The following NPSR1 variants were observed in gnomAD, a reference collection of about 807,000 sequenced individuals.
The protein encoded by NPSR1 is neuropeptide S receptor 1.
NPSR1 carries 48 observed loss-of-function variants against 46.9 expected under a neutral mutation model. The observed-to-expected ratio is 1.02, with a 90% CI of 0.81 to 1.30. NPSR1 has a LOEUF of 1.30. Ranked by LOEUF, NPSR1 falls within the 50% of genes most tolerant of loss-of-function variation. NPSR1 has a pLI of 0.00. For synonymous variants in NPSR1, 176 were observed against 168.1 expected (o/e 1.05, Z -0.36); for missense variants, 450 against 449.5 (o/e 1.00, Z -0.01).
intron 2 of NPSR1, among the ~76,000 whole-genome samples, chr7:34,748,150 C>T (rs1288263299): frequency 1.3e-5 from 2 of 152,194 alleles, no homozygotes; most frequent in East Asian, 1.9e-4. Context: ...CAGTTAGACC[C>T]TGATCTCAGT....
rs114485438 is a variant in NPSR1 at position 34,827,513 on chromosome 7, C to G, written c.591C>G (p.Cys197Trp). ...KRTLSNGEVQ[C>W]WALWPDDSYW... ...CACTGTCCAACGGTGAAGTGCAGTG[C>G]TGGGCCCTGTGGCCTGACGACTCCT... Residue 197 changes from cysteine (C) to tryptophan (W), a missense_variant, in exon 5 of 9, where the codon TGC (cysteine) becomes TGG (tryptophan). Physicochemically the swap from Cys to Trp is radical, Grantham distance 215. Transcript: ENST00000360581. The G allele has an allele frequency of 1.0e-4, 161 of 1,613,984 alleles. No homozygotes were observed. The African/African-American group carries it at 1.9e-3, about 19-fold the overall frequency.
chr7:34,792,691 A>ATATATATT (rs1562733273), intron 3 of NPSR1, among the ~76,000 whole-genome samples: 23 of 95,648 alleles, frequency 2.4e-4, no homozygotes, highest in African/African-American at 8.2e-4. Context: ...ATATATATGT[A>ATATATATT]TATATATACG....
At chr7:34,841,575 T>A (rs1562768154) in intron 6 of NPSR1, among the ~76,000 whole-genome samples, 1 of 152,204 alleles carries the variant, frequency 6.6e-6, no homozygotes. Context: ...GAAATAATCC[T>A]TTTATCTCCC....
chr7:34,706,240 A>C (rs968634264), intron 2 of NPSR1, among the ~76,000 whole-genome samples: 4 of 150,896 alleles, frequency 2.7e-5, no homozygotes, highest in African/African-American at 9.8e-5. Flanking sequence ...CTGTTATGTG[A>C]GTTCTCTGAG....
At chr7:34,728,302 G>C (rs185052630) in intron 2 of NPSR1, among the ~76,000 whole-genome samples, 1 of 152,152 alleles carries the variant, frequency 6.6e-6, no homozygotes, top group East Asian at 1.9e-4. Flanking sequence ...AGACCCTGTC[G>C]CTGGAACAGG....
At chr7:34,791,115 A>AATATATATGTTATATATAATATGTT (rs1787824631) in intron 3 of NPSR1, among the ~76,000 whole-genome samples, 2 of 62,248 alleles carry the variant, frequency 3.2e-5, no homozygotes, top group Non-Finnish European at 6.3e-5. Flanking sequence ...TATGTTATAT[A>AATATATATGTTATATATAATATGTT]ATATAATATA....
chr7:34,748,261 G>A (rs897713335), intron 2 of NPSR1, among the ~76,000 whole-genome samples: 17 of 152,172 alleles, frequency 1.1e-4, no homozygotes, highest in Admixed American at 5.9e-4. Flanking sequence ...CTAAGCATTC[G>A]CATAATATCT....
At chr7:34,850,535 C>A (rs1007098982), downstream of NPSR1, among the ~76,000 whole-genome samples, 1 of 151,818 alleles carries the variant, frequency 6.6e-6, no homozygotes, top group African/African-American at 2.4e-5. Context: ...CGAGTAGCTG[C>A]GACCACAGGT....
chr7:34,784,722 C>A (rs1284383173), intron 3 of NPSR1, among the ~76,000 whole-genome samples: 3 of 152,118 alleles, frequency 2.0e-5, no homozygotes, highest in Admixed American at 1.3e-4. Flanking sequence ...GGAGGATTCC[C>A]TCTTTTTCTA....
intron 2 of NPSR1, chr7:34,751,057 T>C (rs1562701769): frequency 2.6e-6 from 2 of 779,564 alleles, no homozygotes; most frequent in Non-Finnish European, 2.4e-6. Context: ...AGCATGGCCA[T>C]CTCACTCACC....
At chr7:34,841,563 T>A (rs1408041591) in intron 6 of NPSR1, among the ~76,000 whole-genome samples, 1 of 152,176 alleles carries the variant, frequency 6.6e-6, no homozygotes, top group African/African-American at 2.4e-5. Context: ...AAGGCCTGAG[T>A]AGAAATAATC....
intron 2 of NPSR1, among the ~76,000 whole-genome samples, chr7:34,705,443 A>C (rs1215367676): frequency 6.6e-6 from 1 of 151,778 alleles, no homozygotes; most frequent in Admixed American, 6.6e-5. Flanking sequence ...TCAAAAAAAA[A>C]AAAAAAAAAG....
chr7:34,723,939 A>AATT (rs1410578887), intron 2 of NPSR1, among the ~76,000 whole-genome samples: 2 of 152,228 alleles, frequency 1.3e-5, no homozygotes, highest in African/African-American at 4.8e-5. Flanking sequence ...CACATGAAGA[A>AATT]GCTAACTCAA....
In NPSR1 at chr7:34,834,348, C is replaced by T. The variant is rs1461558548; in HGVS notation, c.681-36C>T. ...CTGTGTCCTCACAGTAGGGATCCACCAGTCACTTTAATACTACCTTTGGTT... is the reference window on the plus strand; with the variant it reads ...CTGTGTCCTCACAGTAGGGATCCACTAGTCACTTTAATACTACCTTTGGTT... On this transcript the variant is annotated intron_variant, in intron 5 of 8. Coordinates refer to ENST00000360581, the MANE Select transcript of NPSR1 (RefSeq NM_207172.2). 2.6e-6 allele frequency: 4 copies of T among 1,514,420 alleles called. No individual in the cohort carries two copies. The East Asian group carries it at 6.8e-5, about 26-fold the overall frequency. 93.8% of individuals were successfully genotyped at this position (1,514,420 alleles called of 1,614,324 possible). A position where few individuals can be genotyped will look rare whatever the true frequency, so the allele number is the denominator to read the frequency against.
At chr7:34,693,130 C>T (rs1199218909) in intron 2 of NPSR1, among the ~76,000 whole-genome samples, 11 of 152,122 alleles carry the variant, frequency 7.2e-5, no homozygotes, top group Non-Finnish European at 1.2e-4. Context: ...GCTCCCTCTT[C>T]GCTTTGCCTT....
chr7:34,791,329 CA>C (rs1390992708), intron 3 of NPSR1, among the ~76,000 whole-genome samples: 2 of 142,726 alleles, frequency 1.4e-5, no homozygotes, highest in East Asian at 4.0e-4. Context: ...AAACACAAAA[CA>C]CCACCAAAAA....
chr7:34,658,619 A>G (rs1485048255), intron 1 of NPSR1, 60 bp downstream of exon 1: 2 of 1,511,182 alleles, frequency 1.3e-6, no homozygotes, highest in Admixed American at 1.7e-5. Context: ...GCTGGAACTT[A>G]AGAGTGTCAA....
At chr7:34,694,742 G>A (rs1488708336) in intron 2 of NPSR1, among the ~76,000 whole-genome samples, 3 of 152,156 alleles carry the variant, frequency 2.0e-5, no homozygotes, top group East Asian at 3.9e-4. Flanking sequence ...ATGGAGTCTC[G>A]CTCTGTCACC....
chr7:34,827,766 C>T (rs1789932257), intron 5 of NPSR1, among the ~76,000 whole-genome samples, 164 bp downstream of exon 5: 1 of 152,160 alleles, frequency 6.6e-6, no homozygotes, highest in African/African-American at 2.4e-5. Flanking sequence ...AGGCTAAGCC[C>T]AATTTCTTCA....
Sources: gnomAD v4.1 joint callset for allele counts (sites outside exome capture counted in the v4.1 genomes callset) on GRCh38, gnomAD v4.1.1 for gene constraint, MANE v1.5 for transcripts, NCBI Gene and HGNC (gene_info 2026-07-23, HGNC 2026-07-21) for gene names.